COL5A2: variants seen among roughly 807,000 people sequenced by gnomAD.
COL5A2 encodes the protein collagen alpha-2(V) chain.
COL5A2 carries 23 observed loss-of-function variants against 208.2 expected under a neutral mutation model. That is an observed-to-expected ratio of 0.11 (90% CI 0.08 to 0.16). The LOEUF (loss-of-function observed/expected upper bound fraction) is 0.16, where lower values mean the gene tolerates loss of function less well. Ranked by LOEUF, COL5A2 falls within the 10% of genes least tolerant of loss-of-function variation. The pLI, the probability that COL5A2 is intolerant of heterozygous loss-of-function variation, is 1.00. For missense variants in COL5A2, 1,590 were observed against 1,956.4 expected (o/e 0.81, Z 3.53); for synonymous variants, 625 against 628.5 (o/e 0.99, Z 0.08).
At chr2:189,343,648 T>C in the COL5A2 span, among the ~76,000 whole-genome samples, 1 of 152,250 alleles carries the variant, frequency 6.6e-6, no homozygotes, top group African/African-American at 2.4e-5. Flanking sequence ...TAGACAAAGC[T>C]AGTGGTTAGC....
At chr2:189,067,009 T>C (rs1035342405) in intron 21 of COL5A2, among the ~76,000 whole-genome samples, 1 of 152,184 alleles carries the variant, frequency 6.6e-6, no homozygotes, top group Non-Finnish European at 1.5e-5. Context: ...TAGTGGTCTT[T>C]AAGAGATTTA....
chr2:189,348,513 T>TGGA, the COL5A2 span, among the ~76,000 whole-genome samples: 1 of 152,196 alleles, frequency 6.6e-6, no homozygotes, highest in Non-Finnish European at 1.5e-5. Flanking sequence ...TTTCAGCTGA[T>TGGA]GGAGAACTGA....
At chr2:189,194,853 G>A (rs1036574421) in intron 1 of COL5A2, among the ~76,000 whole-genome samples, 28 of 152,120 alleles carry the variant, frequency 1.8e-4, no homozygotes, top group Admixed American at 1.8e-3. Flanking sequence ...CTATTGAGAT[G>A]ATCATGTGGT....
At chr2:189,203,721 C>A (rs564891754) in intron 1 of COL5A2, among the ~76,000 whole-genome samples, 1 of 151,976 alleles carries the variant, frequency 6.6e-6, no homozygotes, top group Non-Finnish European at 1.5e-5. Flanking sequence ...GACTCTTTAG[C>A]CTAAAAGAGA....
chr2:189,234,792 T>C, the COL5A2 span, among the ~76,000 whole-genome samples: 2 of 151,768 alleles, frequency 1.3e-5, no homozygotes, highest in African/African-American at 4.8e-5. Flanking sequence ...GACTATTCCT[T>C]ACTTCCCAGG....
chr2:189,068,236 T>G lies in COL5A2; in HGVS notation c.1292A>C (p.Lys431Thr). The stretch of plus-strand genomic sequence containing the variant: ...AAATGCAGTACTCACCGTTGGGCCT[T>G]TGGCACCAGGAGTACCATCAGTTCC... ...AIGTDGTPGAKGPTGSPGTSG... is the reference protein window; with the variant it reads ...AIGTDGTPGATGPTGSPGTSG... The change falls in exon 20 of 54, where the codon AAA (lysine) becomes ACA (threonine). Residue 431 changes from lysine (K) to threonine (T), a missense_variant. Transcript: ENST00000374866. 1 of 1,613,958 alleles carries G rather than the reference T, an allele frequency of 6.2e-7. No individual in the cohort carries two copies. The highest frequency in any genetic ancestry group is 8.5e-7 in the Non-Finnish European group (1 of 1,179,858).
chr2:189,085,523 A>G (rs187775332), intron 10 of COL5A2, among the ~76,000 whole-genome samples, 196 bp downstream of exon 10: 1 of 152,352 alleles, frequency 6.6e-6, no homozygotes, highest in East Asian at 1.9e-4. Context: ...AATAAATTTA[A>G]ATAGTCTTTG....
the COL5A2 span, among the ~76,000 whole-genome samples, chr2:189,436,861 G>A: frequency 2.4e-4 from 36 of 152,268 alleles, no homozygotes; most frequent in African/African-American, 8.2e-4. Flanking sequence ...AGGGGTGGCC[G>A]AGTGGAGGGA....
chr2:189,299,046 A>T, the COL5A2 span, among the ~76,000 whole-genome samples: 1 of 152,276 alleles, frequency 6.6e-6, no homozygotes, highest in African/African-American at 2.4e-5. Flanking sequence ...GCTATCCCAC[A>T]GCTTTTGTCT....
chr2:189,133,717 C>T (rs1687771094), intron 1 of COL5A2, among the ~76,000 whole-genome samples: 1 of 152,094 alleles, frequency 6.6e-6, no homozygotes, highest in African/African-American at 2.4e-5. Context: ...AAGGGTCCAT[C>T]CTTACGACAG....
At chr2:189,229,655 A>G (rs1689457576), upstream of COL5A2, among the ~76,000 whole-genome samples, 2 of 151,802 alleles carry the variant, frequency 1.3e-5, no homozygotes, top group East Asian at 1.9e-4. Context: ...ACTAAAAACT[A>G]TAAGACATTA....
At chr2:189,190,912 C>T (rs1373080789) in intron 1 of COL5A2, among the ~76,000 whole-genome samples, 6 of 152,038 alleles carry the variant, frequency 3.9e-5, no homozygotes, top group Admixed American at 1.3e-4. Context: ...CAAAGGCTTA[C>T]GTGGTTTGGT....
the COL5A2 span, among the ~76,000 whole-genome samples, chr2:189,257,896 CGAGGT>C: frequency 1.3e-5 from 2 of 152,116 alleles, no homozygotes; most frequent in Non-Finnish European, 1.5e-5. Context: ...GGGCAGATCA[CGAGGT>C]CAGGAGATCG....
chr2:189,257,785 A>G, the COL5A2 span, among the ~76,000 whole-genome samples: 1 of 152,206 alleles, frequency 6.6e-6, no homozygotes, highest in Non-Finnish European at 1.5e-5. Context: ...TCAACCAATG[A>G]AAAGCCTTTT....
chr2:189,383,253 T>A, the COL5A2 span, among the ~76,000 whole-genome samples: 5 of 152,314 alleles, frequency 3.3e-5, no homozygotes, highest in African/African-American at 1.2e-4. Context: ...CATTGGTCTC[T>A]CCTGAGGCCT....
the COL5A2 span, among the ~76,000 whole-genome samples, chr2:189,247,076 T>C: frequency 5.9e-5 from 9 of 152,272 alleles, 1 homozygote; most frequent in East Asian, 1.7e-3. Context: ...GAAACGTTTC[T>C]GTCAGATAAA....
chr2:189,204,065 T>C (rs1480258096), intron 1 of COL5A2, among the ~76,000 whole-genome samples: 1 of 152,026 alleles, frequency 6.6e-6, no homozygotes, highest in Non-Finnish European at 1.5e-5. Context: ...GCCCGGCTAA[T>C]TTTTTGTATT....
chr2:189,045,313 C>T (rs571564377), intron 46 of COL5A2, 81 bp from the exon 47 acceptor site: 24 of 871,876 alleles, frequency 2.8e-5, no homozygotes, highest in Non-Finnish European at 3.8e-5. Flanking sequence ...GTCAACAATA[C>T]GTTTATAGTT....
the COL5A2 span, among the ~76,000 whole-genome samples, chr2:189,252,627 G>C: frequency 6.6e-6 from 1 of 152,034 alleles, no homozygotes; most frequent in South Asian, 2.1e-4. Flanking sequence ...TGGGGGGAGT[G>C]GGGAGGGATA....
Sources: gnomAD v4.1 joint callset for allele counts (sites outside exome capture counted in the v4.1 genomes callset) on GRCh38, gnomAD v4.1.1 for gene constraint, MANE v1.5 for transcripts, NCBI Gene and HGNC (gene_info 2026-07-23, HGNC 2026-07-21) for gene names.